The following CRHR2 variants were observed in gnomAD, a reference collection of about 807,000 sequenced individuals.
CRHR2 encodes the protein corticotropin releasing hormone receptor 2.
In CRHR2, 53 loss-of-function variants were observed where a neutral mutation model predicts 57.9. That is an observed-to-expected ratio of 0.92 (90% CI 0.73 to 1.15). The LOEUF (loss-of-function observed/expected upper bound fraction) is 1.15, where lower values mean the gene tolerates loss of function less well. Ranked by LOEUF, CRHR2 falls within the 50% of genes most tolerant of loss-of-function variation. The probability of loss-of-function intolerance (pLI) is 0.00; values close to 1 mark genes in which losing one functional copy is unlikely to be tolerated. For synonymous variants in CRHR2, 213 were observed against 220.9 expected (o/e 0.96, Z 0.32); for missense variants, 532 against 542.6 (o/e 0.98, Z 0.19).
rs114948894 is a variant in CRHR2, at chr7:30,678,204, T to C, written c.229+3711A>G. ...CTTTTTAAAAAATTTCTTCTCTGCT[T>C]AACCTAGCAGAGTTGCTTTTTGAAA... On this transcript the variant is annotated intron_variant, in intron 2 of 11. Transcript: ENST00000471646. Among the ~76,000 whole-genome samples the C allele has an allele frequency of 5.4e-3, 825 of 152,334 alleles. 8 individuals are homozygous for C. The highest frequency in any genetic ancestry group is 0.019 in the African/African-American group (776 of 41,568).
Position 30,682,314 on chromosome 7 carries a change from G to T in CRHR2, c.-34C>A, listed in dbSNP as rs1487223883. On this transcript the variant is annotated 5_prime_UTR_variant, in exon 1 of 12. Transcript: ENST00000471646. ...GCAGCCGCGTGCGGAGAGGGAGTGG[G>T]AGTGCGCGCCCGGCGTGACTGCGAG... 2.6e-6 allele frequency: 4 copies of T among 1,520,586 alleles called. No homozygotes were observed. Among genetic ancestry groups the T allele is most frequent in the Non-Finnish European group, 3.5e-6 (4 of 1,139,794 alleles). The allele number at this position is 1,520,586 out of a possible 1,614,324, so 94.2% of individuals were successfully genotyped here.
intron 6 of CRHR2, 41 bp downstream of exon 6, chr7:30,662,653 T>G: frequency 6.3e-7 from 1 of 1,596,812 alleles, no homozygotes; most frequent in South Asian, 1.1e-5. Context: ...TGGTGAGAAG[T>G]CCTCCCCCCA....
At chr7:30,699,383 G>A (rs966976894) in intron 1 of CRHR2, among the ~76,000 whole-genome samples, 3 of 152,170 alleles carry the variant, frequency 2.0e-5, no homozygotes, top group Non-Finnish European at 4.4e-5. Context: ...TCGCTCATCT[G>A]GTACTGGGGG....
Position 30,653,589 on chromosome 7 carries a change from G to C in CRHR2, c.1107C>G (p.Ala369=), listed in dbSNP as rs374100148. The change falls in exon 12 of 12, where the codon GCC becomes GCG. Residue 369 remains alanine, a synonymous_variant. Transcript: ENST00000471646. The surrounding 1 kb of genome is among the most constrained non-coding windows in gnomAD (Gnocchi z 5.0). ...YCFFNGEVRS[A]VRKRWHRWQD... ...GCCAGCGGTGCCACCTCTTCCTCAC[G>C]GCTGAGCGCACCTGTGGGGAAGGCA... 2 of 1,610,936 alleles carry C rather than the reference G, an allele frequency of 1.2e-6. No individual in the cohort carries two copies. Among genetic ancestry groups the C allele is most frequent in the East Asian group, 2.2e-5 (1 of 44,844 alleles).
chr7:30,685,826 G>T (rs1784845121), upstream of CRHR2, among the ~76,000 whole-genome samples: 1 of 152,180 alleles, frequency 6.6e-6, no homozygotes, highest in Non-Finnish European at 1.5e-5. Context: ...CCTCATGGCA[G>T]ATAAAACGAT....
At position 30,662,689 on chromosome 7, in the gene CRHR2, C is replaced by T. The variant is rs774389767; in HGVS notation, c.697+5G>A. 3.7e-6 allele frequency: 6 copies of T among 1,613,008 alleles called. No homozygotes were observed. The South Asian group carries it at 4.4e-5, about 12-fold the overall frequency. The stretch of plus-strand genomic sequence containing the variant: ...ACTAGGCCCTGCTGCCCCTGGGACC[C>T]TCACACCATCCGATGAAGAGGAAGA... On this transcript the variant is annotated splice_donor_5th_base_variant and intron_variant, in intron 6 of 11. Coordinates refer to ENST00000471646, the MANE Select transcript of CRHR2 (RefSeq NM_001883.5).
Position 30,656,116 on chromosome 7 carries a change from C to T in CRHR2, c.832-104G>A. On this transcript the variant is annotated intron_variant, in intron 8 of 11. Coordinates refer to ENST00000471646, the MANE Select transcript of CRHR2 (RefSeq NM_001883.5). This position sits in a 1 kb window ranked among gnomAD's most constrained non-coding sequence, Gnocchi z 4.4. ...CCCGCAGACCCCTGGAAACCGATGT[C>T]CCACGCACACACCTATCCTACCTGT... 1.0e-6 allele frequency: 1 copy of T among 994,412 alleles called. No individual in the cohort carries two copies. Among genetic ancestry groups the T allele is most frequent in the Non-Finnish European group, 1.6e-6 (1 of 638,124 alleles). 61.6% of individuals were successfully genotyped at this position (994,412 alleles called of 1,614,324 possible). A position where few individuals can be genotyped will look rare whatever the true frequency, so the allele number is the denominator to read the frequency against.
chr7:30,661,135 A>G (rs1783982743), intron 7 of CRHR2, among the ~76,000 whole-genome samples: 1 of 152,228 alleles, frequency 6.6e-6, no homozygotes, highest in Non-Finnish European at 1.5e-5. Flanking sequence ...TCTTTGAGCC[A>G]ATGCTTGTGC....
At chr7:30,660,540 C>T (rs1222440767) in intron 8 of CRHR2, 33 bp downstream of exon 8, 3 of 1,550,864 alleles carry the variant, frequency 1.9e-6, no homozygotes, top group South Asian at 2.4e-5. Flanking sequence ...CTCTTGGCAC[C>T]CAGCCCCATC....
exon 1 of CRHR2, chr7:30,700,016 C>T (rs1785140019): frequency 7.0e-7 from 1 of 1,432,608 alleles, no homozygotes; most frequent in African/African-American, 1.5e-5. Context: ...GGCCTGGGGG[C>T]CCTGAGGGAC....
At chr7:30,678,065 C>A (rs1584120846) in intron 2 of CRHR2, among the ~76,000 whole-genome samples, 1 of 148,556 alleles carries the variant, frequency 6.7e-6, no homozygotes, top group Non-Finnish European at 1.5e-5. Context: ...GTTGGCAGGG[C>A]CTTTCAGGGA....
At chr7:30,662,994 G>T (rs988649949) in intron 5 of CRHR2, 147 bp from the exon 6 acceptor site, 2 of 953,866 alleles carry the variant, frequency 2.1e-6, no homozygotes, top group South Asian at 1.8e-5. Context: ...ACTCTGAAAA[G>T]CTTCATCCTT....
intron 2 of CRHR2, among the ~76,000 whole-genome samples, chr7:30,688,662 G>C (rs1035431778): frequency 6.6e-6 from 1 of 152,220 alleles, no homozygotes; most frequent in African/African-American, 2.4e-5. Flanking sequence ...CCAGGATACA[G>C]GGTGGGACAC....
intron 2 of CRHR2, among the ~76,000 whole-genome samples, chr7:30,669,562 TTC>T (rs1269535608): frequency 3.3e-5 from 5 of 152,276 alleles, no homozygotes; most frequent in Middle Eastern, 3.4e-3. Flanking sequence ...GTTCCATGGA[TTC>T]TGTCTCCTCC....
intron 1 of CRHR2, among the ~76,000 whole-genome samples, chr7:30,692,805 A>C (rs746823331): frequency 6.6e-6 from 1 of 152,216 alleles, no homozygotes; most frequent in Non-Finnish European, 1.5e-5. Context: ...CCCATTTCAC[A>C]GATGAGGCTG....
chr7:30,679,727 G>A (rs1343878150), intron 2 of CRHR2, among the ~76,000 whole-genome samples: 2 of 152,192 alleles, frequency 1.3e-5, no homozygotes, highest in Non-Finnish European at 2.9e-5. Flanking sequence ...GGCTTCTCGT[G>A]GAGGTTTCTC....
At chr7:30,685,046 A>G, upstream of CRHR2, among the ~76,000 whole-genome samples, 1 of 152,180 alleles carries the variant, frequency 6.6e-6, no homozygotes, top group East Asian at 1.9e-4. Flanking sequence ...TGTGTCCCCA[A>G]GCTGTTGGGG....
intron 1 of CRHR2, among the ~76,000 whole-genome samples, chr7:30,694,047 G>A (rs970959493): frequency 1.3e-5 from 2 of 152,176 alleles, no homozygotes; most frequent in Non-Finnish European, 2.9e-5. Context: ...GTCCACATCT[G>A]TGTCCCCAGT....
chr7:30,662,681 CT>C lies in CRHR2; in HGVS notation c.697+12del. 1.2e-6 allele frequency: 2 copies of C among 1,611,082 alleles called. No homozygotes were observed. The highest frequency in any genetic ancestry group is 1.1e-5 in the South Asian group (1 of 90,788). On this transcript the variant is annotated intron_variant, in intron 6 of 11. Coordinates refer to ENST00000471646, the MANE Select transcript of CRHR2 (RefSeq NM_001883.5). ...TCCCCCCAACTAGGCCCTGCTGCCC[CT>C]GGGACCCTCACACCATCCGATGAAG...
Sources: allele counts gnomAD v4.1 joint callset (sites outside exome capture counted in the v4.1 genomes callset), GRCh38; gene constraint gnomAD v4.1.1; non-coding constraint Gnocchi (gnomAD v3.1); transcripts MANE v1.5; gene names NCBI Gene and HGNC (gene_info 2026-07-23, HGNC 2026-07-21).